The following FAM114A2 variants were observed in gnomAD, a reference collection of about 807,000 sequenced individuals.
FAM114A2 encodes protein FAM114A2.
FAM114A2 carries 53 observed loss-of-function variants against 58.4 expected under a neutral mutation model. The observed-to-expected ratio is 0.91, with a 90% confidence interval of 0.73 to 1.14. FAM114A2 has a LOEUF of 1.14. Ranked by LOEUF, FAM114A2 falls within the 50% of genes most tolerant of loss-of-function variation. FAM114A2 has a pLI of 0.00. For synonymous variants in FAM114A2, 228 were observed against 211.4 expected (o/e 1.08, Z -0.68); for missense variants, 601 against 581.1 (o/e 1.03, Z -0.35).
In FAM114A2 at chr5:154,033,844, G is replaced by A; in HGVS notation, c.350C>T (p.Ser117Phe). Residue 117 changes from serine (S) to phenylalanine (F), a missense_variant, in exon 4 of 14, where the codon TCC becomes TTC. Transcript: ENST00000351797. ...TTCACTGGGACCAGGGATTCCAAGG[G>A]AAGTCTCTGCCTTCTCGATGACATT... ...ISNVIEKAET[S>F]LGIPGPSEIS... is the part of the protein sequence containing the mutation. The A allele has an allele frequency of 1.2e-6, 2 of 1,611,016 alleles. No homozygotes were observed. Among genetic ancestry groups the A allele is most frequent in the South Asian group, 2.2e-5 (2 of 90,896 alleles).
intron 9 of FAM114A2, among the ~76,000 whole-genome samples, chr5:154,009,483 C>T (rs886684603): frequency 6.6e-6 from 1 of 151,854 alleles, no homozygotes; most frequent in Non-Finnish European, 1.5e-5. Flanking sequence ...AATATTGGTG[C>T]CAGAATCATA....
intron 8 of FAM114A2, among the ~76,000 whole-genome samples, chr5:154,019,016 T>C (rs1372629767): frequency 6.6e-6 from 1 of 152,014 alleles, no homozygotes; most frequent in East Asian, 1.9e-4. Context: ...GGATGCCCAC[T>C]CTCACCACTC....
chr5:154,034,792 C>A lies in FAM114A2; in HGVS notation c.162G>T (p.Glu54Asp), dbSNP rs1237279454. Residue 54 changes from glutamate to aspartate, a missense_variant, in exon 2 of 14, where the codon GAG (glutamate) becomes GAT (aspartate). Physicochemically the swap from Glu to Asp is conservative, Grantham distance 45. Coordinates refer to ENST00000351797, the MANE Select transcript of FAM114A2 (RefSeq NM_018691.4). Reference protein sequence around the residue: ...EPVVSTRKRPETKPSSDLETS... With the variant: ...EPVVSTRKRPDTKPSSDLETS... ...TCTCAAGGTCACTGGAAGGTTTGGT[C>A]TCTGGTCTTTTCCGAGTGGAAACTA... is the stretch of plus-strand genomic sequence containing the variant. 1 of 1,613,990 alleles carries A rather than the reference C, an allele frequency of 6.2e-7. No individual in the cohort carries two copies. Among genetic ancestry groups the A allele is most frequent in the East Asian group, 2.2e-5 (1 of 44,874 alleles).
intron 4 of FAM114A2, among the ~76,000 whole-genome samples, chr5:154,031,803 G>T (rs990391232): frequency 1.3e-5 from 2 of 152,082 alleles, no homozygotes; most frequent in African/African-American, 2.4e-5. Context: ...ACTTTCTCTT[G>T]TAAGACTTTA....
chr5:153,994,898 G>A, intron 13 of FAM114A2, 21 bp downstream of exon 13: 1 of 1,529,570 alleles, frequency 6.5e-7, no homozygotes, highest in Admixed American at 1.7e-5. Flanking sequence ...TGGAGTCAGA[G>A]ACTTAAAAAC....
At chr5:154,025,965 T>A (rs1771744363) in intron 8 of FAM114A2, among the ~76,000 whole-genome samples, 1 of 152,208 alleles carries the variant, frequency 6.6e-6, no homozygotes, top group Non-Finnish European at 1.5e-5. Flanking sequence ...ACATTTTAGA[T>A]AACTGCCATC....
intron 8 of FAM114A2, among the ~76,000 whole-genome samples, chr5:154,013,424 G>A (rs1448518608): frequency 2.6e-5 from 4 of 152,148 alleles, no homozygotes; most frequent in Non-Finnish European, 4.4e-5. Flanking sequence ...GCTTCATAGA[G>A]ACATAATTAA....
At chr5:154,025,291 C>CTT (rs35038508) in intron 8 of FAM114A2, among the ~76,000 whole-genome samples, 16 of 149,784 alleles carry the variant, frequency 1.1e-4, no homozygotes, top group Admixed American at 1.3e-4. Context: ...AAAACTGGCA[C>CTT]TTTTTTTTTT....
chr5:154,016,793 T>C (rs1260736803), intron 8 of FAM114A2, among the ~76,000 whole-genome samples: 2 of 150,398 alleles, frequency 1.3e-5, no homozygotes, highest in Non-Finnish European at 3.0e-5. Context: ...AAAAGTAATG[T>C]TGAATGTAAA....
intron 8 of FAM114A2, among the ~76,000 whole-genome samples, chr5:154,016,510 A>T (rs1771049841): frequency 6.6e-6 from 1 of 152,198 alleles, no homozygotes; most frequent in Non-Finnish European, 1.5e-5. Flanking sequence ...GTATCCAGTG[A>T]AACTAAGCTT....
chr5:154,010,803 G>A (rs544584870), intron 9 of FAM114A2, among the ~76,000 whole-genome samples: 1 of 152,262 alleles, frequency 6.6e-6, no homozygotes, highest in South Asian at 2.1e-4. Context: ...ACGCCAAATA[G>A]TCATTATCTG....
chr5:153,996,334 C>T lies in FAM114A2; in HGVS notation c.1330-1362G>A, dbSNP rs146734363. On this transcript the variant is annotated intron_variant, in intron 12 of 13. Transcript: ENST00000351797. Reference sequence around the variant, plus strand: ...TTTCAACACATAGTACTGGAACAAACGGATATCCATATGCAAAAGCATGAA... The same window carrying T: ...TTTCAACACATAGTACTGGAACAAATGGATATCCATATGCAAAAGCATGAA... Among the ~76,000 whole-genome samples the T allele has an allele frequency of 6.0e-3, 916 of 152,162 alleles. 6 individuals carry two copies. Among genetic ancestry groups the T allele is most frequent in the African/African-American group, 0.02 (845 of 41,528 alleles).
At chr5:154,021,575 G>A (rs891902243) in intron 8 of FAM114A2, among the ~76,000 whole-genome samples, 7 of 152,106 alleles carry the variant, frequency 4.6e-5, no homozygotes, top group African/African-American at 1.7e-4. Flanking sequence ...AAATACGTAA[G>A]AATCCAACTT....
chr5:154,014,750 GA>G (rs1188268709), intron 8 of FAM114A2, among the ~76,000 whole-genome samples: 1 of 152,170 alleles, frequency 6.6e-6, no homozygotes, highest in Non-Finnish European at 1.5e-5. Flanking sequence ...CAGGGAGAAG[GA>G]AACCTCCAGT....
chr5:154,038,831 C>G (rs1772796164), intron 1 of FAM114A2, 26 bp downstream of exon 1: 1 of 152,468 alleles, frequency 6.6e-6, no homozygotes, highest in South Asian at 2.1e-4. Context: ...TCGCACCCCT[C>G]CTGCCTCGTT....
chr5:154,010,545 T>A (rs1299422198), intron 9 of FAM114A2, among the ~76,000 whole-genome samples: 1 of 152,102 alleles, frequency 6.6e-6, no homozygotes, highest in Non-Finnish European at 1.5e-5. Context: ...CAGGAAACAA[T>A]GTGCACCTGC....
Position 154,002,474 on chromosome 5 carries a change from T to C in FAM114A2, c.1117-84A>G, listed in dbSNP as rs1334811444. On this transcript the variant is annotated intron_variant, in intron 10 of 13. Coordinates refer to ENST00000351797, the MANE Select transcript of FAM114A2 (RefSeq NM_018691.4). ...CCTTACTTCTCTCATACTACAGGATTTGTAGCAGAGACTAATAGTTGCCTT... is the reference window on the plus strand; with the variant it reads ...CCTTACTTCTCTCATACTACAGGATCTGTAGCAGAGACTAATAGTTGCCTT... 4.9e-6 allele frequency: 7 copies of C among 1,415,084 alleles called. No individual in the cohort carries two copies. The Admixed American group carries it at 1.3e-4, about 26-fold the overall frequency. The allele number at this position is 1,415,084 out of a possible 1,614,324, so 87.7% of individuals were successfully genotyped here. A position where few individuals can be genotyped will look rare whatever the true frequency, so the allele number is the denominator to read the frequency against.
intron 11 of FAM114A2, 115 bp from the exon 12 acceptor site, chr5:153,997,990 AGC>A: frequency 1.5e-6 from 1 of 648,354 alleles, no homozygotes; most frequent in Non-Finnish European, 2.7e-6. Flanking sequence ...GAAAGAAGAA[AGC>A]TTTTCAAGGG....
At chr5:153,997,050 T>C (rs1769616208) in intron 12 of FAM114A2, among the ~76,000 whole-genome samples, 1 of 138,898 alleles carries the variant, frequency 7.2e-6, no homozygotes. Context: ...GAAATGTAAA[T>C]CAAAACCACA....
Sources: gnomAD v4.1 joint callset for allele counts (sites outside exome capture counted in the v4.1 genomes callset) on GRCh38, gnomAD v4.1.1 for gene constraint, MANE v1.5 for transcripts, NCBI Gene and HGNC (gene_info 2026-07-23, HGNC 2026-07-21) for gene names.